SLC4A4: variants seen among roughly 807,000 people sequenced by gnomAD.
The protein encoded by SLC4A4 is solute carrier family 4 member 4.
Under a neutral mutation model 111.5 loss-of-function variants are expected in SLC4A4, and 27 were observed. That is an observed-to-expected ratio of 0.24 (90% CI 0.18 to 0.33). The LOEUF (loss-of-function observed/expected upper bound fraction) is 0.33. Among genes scored for constraint, SLC4A4 ranks in the 10% least tolerant of loss-of-function variants. The pLI, the probability that SLC4A4 is intolerant of heterozygous loss-of-function variation, is 1.00. For missense variants in SLC4A4, 909 were observed against 1,315.5 expected, an observed-to-expected ratio of 0.69 and a Z score of 4.78; for synonymous variants, 443 against 463.4, an observed-to-expected ratio of 0.96 and a Z score of 0.57.
intron 3 of SLC4A4, among the ~76,000 whole-genome samples, chr4:71,315,786 A>AAC (rs1726632691): frequency 6.6e-6 from 1 of 152,156 alleles, no homozygotes; most frequent in Non-Finnish European, 1.5e-5. Context: ...AGTGTTGAAG[A>AAC]ACACACACAT....
intron 18 of SLC4A4, among the ~76,000 whole-genome samples, chr4:71,536,946 A>G (rs1734558900): frequency 6.6e-6 from 1 of 151,780 alleles, no homozygotes; most frequent in Non-Finnish European, 1.5e-5. Flanking sequence ...ATATATGTAT[A>G]TATGTGTGTA....
intron 14 of SLC4A4, among the ~76,000 whole-genome samples, chr4:71,476,319 T>C (rs1428572317): frequency 6.6e-6 from 1 of 151,770 alleles, no homozygotes; most frequent in Non-Finnish European, 1.5e-5. Context: ...TACAGTTGCA[T>C]ATAGAGCTCA....
At chr4:71,213,005 C>T (rs1175617560) in intron 1 of SLC4A4, among the ~76,000 whole-genome samples, 1 of 152,126 alleles carries the variant, frequency 6.6e-6, no homozygotes, top group Non-Finnish European at 1.5e-5. Flanking sequence ...CTACAGTATT[C>T]AGTACAGTCA....
At chr4:71,166,846 G>A (rs1744790155) in intron 2 of SLC4A4, among the ~76,000 whole-genome samples, 1 of 152,142 alleles carries the variant, frequency 6.6e-6, no homozygotes, top group African/African-American at 2.4e-5. Context: ...TAAAAATTTT[G>A]TTTGGAGATT....
intron 3 of SLC4A4, among the ~76,000 whole-genome samples, chr4:71,268,333 C>G (rs1722454028): frequency 6.6e-6 from 1 of 152,126 alleles, no homozygotes; most frequent in Non-Finnish European, 1.5e-5. Context: ...CCTTTTCTTT[C>G]TGTGACTCAC....
chr4:71,120,337 G>C (rs749851041), intron 2 of SLC4A4, among the ~76,000 whole-genome samples: 1 of 152,120 alleles, frequency 6.6e-6, no homozygotes, highest in African/African-American at 2.4e-5. Context: ...GGGTGATAAT[G>C]CTTCACTGTT....
intron 16 of SLC4A4, among the ~76,000 whole-genome samples, chr4:71,525,661 C>T (rs1733353340): frequency 6.6e-6 from 1 of 152,038 alleles, no homozygotes; most frequent in Non-Finnish European, 1.5e-5. Flanking sequence ...GATTTGAGGG[C>T]TCTGAAGCCA....
At chr4:71,495,777 AGGT>A (rs1156869070) in intron 15 of SLC4A4, among the ~76,000 whole-genome samples, 2 of 152,076 alleles carry the variant, frequency 1.3e-5, no homozygotes, top group African/African-American at 4.8e-5. Context: ...TTTATTTGCA[AGGT>A]GTTTTCAAAT....
intron 2 of SLC4A4, among the ~76,000 whole-genome samples, chr4:71,152,978 AATAT>A (rs66865829): frequency 0.18 from 25,653 of 144,742 alleles, 2,706 homozygotes; most frequent in South Asian, 0.34. Context: ...TATATATGTA[AATAT>A]ATATGTGTAT....
At chr4:71,215,747 A>C (rs1718389665) in intron 1 of SLC4A4, among the ~76,000 whole-genome samples, 1 of 152,188 alleles carries the variant, frequency 6.6e-6, no homozygotes. Flanking sequence ...GATGATCACA[A>C]GTGAACCGTC....
chr4:71,100,612 G>T (rs1018804522), intron 2 of SLC4A4, among the ~76,000 whole-genome samples: 2 of 152,070 alleles, frequency 1.3e-5, no homozygotes. Flanking sequence ...TCAGACAAGA[G>T]AAAGAAAGAA....
In SLC4A4 at chr4:71,394,278, G is replaced by A. The variant is rs116510269; in HGVS notation, c.731-3299G>A. ...CATCTGACAGAGGACTAATATCCAGGATCTACAACAAACTCAAACAAATTA... is the reference window on the plus strand; with the variant it reads ...CATCTGACAGAGGACTAATATCCAGAATCTACAACAAACTCAAACAAATTA... On this transcript the variant is annotated intron_variant, in intron 6 of 25. Coordinates refer to ENST00000264485, the MANE Select transcript of SLC4A4 (RefSeq NM_001098484.3). 7.7e-3 allele frequency among the ~76,000 whole-genome samples: 1,167 copies of A among 151,736 alleles called. 16 individuals are homozygous for A. Among genetic ancestry groups the A allele is most frequent in the African/African-American group, 0.025 (1,021 of 41,396 alleles).
At chr4:71,229,329 G>T (rs1175825237) in intron 1 of SLC4A4, among the ~76,000 whole-genome samples, 2 of 152,120 alleles carry the variant, frequency 1.3e-5, no homozygotes, top group African/African-American at 2.4e-5. Context: ...ATTAATTCTG[G>T]ACTTTTCTAC....
intron 5 of SLC4A4, among the ~76,000 whole-genome samples, chr4:71,356,002 ACTTGC>A (rs1239681877): frequency 3.9e-5 from 6 of 152,236 alleles, no homozygotes; most frequent in African/African-American, 1.4e-4. Context: ...CAAAAGGTCT[ACTTGC>A]ATACCTTGAG....
chr4:71,420,118 A>G (rs552997059), intron 7 of SLC4A4, among the ~76,000 whole-genome samples: 3 of 152,210 alleles, frequency 2.0e-5, no homozygotes, highest in African/African-American at 2.4e-5. Context: ...TAACTAGAAT[A>G]ACCAATACAG....
intron 13 of SLC4A4, among the ~76,000 whole-genome samples, chr4:71,472,248 C>T (rs1727943352): frequency 6.6e-6 from 1 of 151,842 alleles, no homozygotes; most frequent in Non-Finnish European, 1.5e-5. Flanking sequence ...AGTGCGATTA[C>T]ATTTATCGAT....
chr4:71,519,937 A>C (rs1259163364), intron 16 of SLC4A4, among the ~76,000 whole-genome samples: 1 of 152,182 alleles, frequency 6.6e-6, no homozygotes. Flanking sequence ...GGCGTGAGCC[A>C]CTGCACCTGG....
At chr4:71,471,418 G>A (rs1254604787) in intron 13 of SLC4A4, among the ~76,000 whole-genome samples, 1 of 151,884 alleles carries the variant, frequency 6.6e-6, no homozygotes, top group African/African-American at 2.4e-5. Context: ...ATCAATGAGG[G>A]GGTTTGTATC....
At chr4:71,411,131 C>T (rs932898939) in intron 7 of SLC4A4, among the ~76,000 whole-genome samples, 3 of 152,148 alleles carry the variant, frequency 2.0e-5, no homozygotes, top group African/African-American at 7.2e-5. Context: ...CTGCGTTATC[C>T]TGCCTGGTGT....
Sources: allele counts gnomAD v4.1 joint callset (sites outside exome capture counted in the v4.1 genomes callset), GRCh38; gene constraint gnomAD v4.1.1; transcripts MANE v1.5; gene names NCBI Gene and HGNC (gene_info 2026-07-23, HGNC 2026-07-21).